The following NUDCD2 variants were observed in gnomAD, a reference collection of about 807,000 sequenced individuals.
NUDCD2 encodes NudC domain containing 2, also known as nudC domain-containing protein 2.
NUDCD2 carries 16 observed loss-of-function variants against 20.8 expected under a neutral mutation model. The observed-to-expected ratio is 0.77, with a 90% CI of 0.52 to 1.17. NUDCD2 has a LOEUF of 1.17. NUDCD2 is among the 50% of genes most tolerant of loss of function. NUDCD2 has a pLI of 0.00. For missense variants in NUDCD2, 199 were observed against 193.9 expected (o/e 1.03, Z -0.16); for synonymous variants, 87 against 72.8 (o/e 1.20, Z -1.00).
At chr5:163,454,806 A>T (rs571529404) in intron 3 of NUDCD2, among the ~76,000 whole-genome samples, 1 of 152,264 alleles carries the variant, frequency 6.6e-6, no homozygotes, top group Admixed American at 6.5e-5. Context: ...TTGAGCTCCT[A>T]CTGTTTGGGA....
chr5:163,455,222 G>T (rs1319688477), intron 3 of NUDCD2, among the ~76,000 whole-genome samples: 1 of 152,100 alleles, frequency 6.6e-6, no homozygotes, highest in African/African-American at 2.4e-5. Flanking sequence ...ATTGAGCAAT[G>T]ATATGAAAAC....
At position 163,451,406 on chromosome 5, in the gene NUDCD2, C is replaced by A. The variant is rs935819136; in HGVS notation, c.*2561G>T. 1 of 151,998 alleles carries A rather than the reference C, an allele frequency of 6.6e-6. No individual in the cohort carries two copies. The highest frequency in any genetic ancestry group is 1.5e-5 in the Non-Finnish European group (1 of 68,010). 9.4% of individuals were successfully genotyped at this position (151,998 alleles called of 1,614,324 possible). ...GGCTGGGAGTAGGGTGTGTAGAGTA[C>A]AAAGAGAGCACGAGAGTTTTTACGG... On this transcript the variant is annotated 3_prime_UTR_variant, in exon 4 of 4. Transcript: ENST00000302764.
At chr5:163,457,124 G>C in intron 2 of NUDCD2, 44 bp from the exon 3 acceptor site, 1 of 1,485,314 alleles carries the variant, frequency 6.7e-7, no homozygotes, top group South Asian at 1.3e-5. Flanking sequence ...ATAAATTAGA[G>C]TTCTTCATCA....
At chr5:163,454,077 GA>G (rs1758242515) in intron 3 of NUDCD2, 27 bp from the exon 4 acceptor site, 1 of 1,230,124 alleles carries the variant, frequency 8.1e-7, no homozygotes, top group Non-Finnish European at 1.1e-6. Context: ...TATATATAAT[GA>G]AATAAAACTT....
At chr5:163,455,832 T>TC (rs113267658) in intron 3 of NUDCD2, among the ~76,000 whole-genome samples, 13,833 of 151,860 alleles carry the variant, frequency 0.091, 883 homozygotes, top group African/African-American at 0.19. Flanking sequence ...ATTAGAGTAA[T>TC]CAGGCAAGAC....
chr5:163,459,022 C>A (rs213505), intron 1 of NUDCD2: 41,280 of 152,048 alleles, frequency 0.27, 5,775 homozygotes, highest in East Asian at 0.5. Flanking sequence ...TCTTCATACA[C>A]GTGAATACCA....
In NUDCD2 at chr5:163,447,518, T is replaced by C. The variant is rs1326389373; in HGVS notation, c.*6449A>G. On this transcript the variant is annotated 3_prime_UTR_variant, in exon 4 of 4. Coordinates refer to ENST00000302764, the MANE Select transcript of NUDCD2 (RefSeq NM_145266.6). ...GGACTGGACAAATCTTCATTTACAG[T>C]TGGAAACTTAAACATTCCTCTCTCA... is the stretch of plus-strand genomic sequence containing the variant. The C allele has an allele frequency of 3.3e-5, 5 of 151,278 alleles. No individual in the cohort carries two copies. The highest frequency in any genetic ancestry group is 7.4e-5 in the Non-Finnish European group (5 of 67,942). The allele number at this position is 151,278 out of a possible 1,614,324, so 9.4% of individuals were successfully genotyped here.
rs1451993285 is a variant in NUDCD2 at position 163,452,347 on chromosome 5, G to A, written c.*1620C>T. 6.6e-6 allele frequency: 1 copy of A among 152,122 alleles called. No individual in the cohort carries two copies. The highest frequency in any genetic ancestry group is 1.5e-5 in the Non-Finnish European group (1 of 68,032). 9.4% of individuals were successfully genotyped at this position (152,122 alleles called of 1,614,324 possible). ...ATGGCTGATTCTTGGGTTAGGTCGA[G>A]GACAGCATGAGAAGCCTGGTATATC... On this transcript the variant is annotated 3_prime_UTR_variant, in exon 4 of 4. Transcript: ENST00000302764.
At position 163,449,229 on chromosome 5, in the gene NUDCD2, C is replaced by T. The variant is rs1306823966; in HGVS notation, c.*4738G>A. 6.6e-6 allele frequency: 1 copy of T among 151,882 alleles called. No individual in the cohort carries two copies. Among genetic ancestry groups the T allele is most frequent in the Admixed American group, 6.6e-5 (1 of 15,244 alleles). 9.4% of individuals were successfully genotyped at this position (151,882 alleles called of 1,614,324 possible). ...AGAATAAAATAAAACTGTTTCTATT[C>T]GTAGTTTATGTAGAAAACTTAATGA... On this transcript the variant is annotated 3_prime_UTR_variant, in exon 4 of 4. Coordinates refer to ENST00000302764, the MANE Select transcript of NUDCD2 (RefSeq NM_145266.6).
chr5:163,447,917 GT>G lies in NUDCD2; in HGVS notation c.*6049del, dbSNP rs1175469692. 1.3e-5 allele frequency: 2 copies of G among 152,024 alleles called. No homozygotes were observed. Among genetic ancestry groups the G allele is most frequent in the Non-Finnish European group, 2.9e-5 (2 of 68,016 alleles). The allele number at this position is 152,024 out of a possible 1,614,324, so 9.4% of individuals were successfully genotyped here. On this transcript the variant is annotated 3_prime_UTR_variant, in exon 4 of 4. Coordinates refer to ENST00000302764, the MANE Select transcript of NUDCD2 (RefSeq NM_145266.6). ...CCGTGCTTGGAATGCAGCCATGCTG[GT>G]GCTGCAATTTATAACAATCGACTGC...
intron 1 of NUDCD2, 46 bp downstream of exon 1, chr5:163,459,816 G>C: frequency 6.6e-7 from 1 of 1,519,738 alleles, no homozygotes; most frequent in South Asian, 1.2e-5. Flanking sequence ...GGGGCTGGGG[G>C]CGTCTGGGAA....
In NUDCD2 at chr5:163,457,625, T is replaced by C; in HGVS notation, c.190-15A>G. ...AAGAGTTTGCCCTGAAAAATAAACA[T>C]ATAAGGTGCTAAAAATACAGAATTT... On this transcript the variant is annotated splice_polypyrimidine_tract_variant and intron_variant, in intron 1 of 3. Transcript: ENST00000302764. 1.3e-6 allele frequency: 2 copies of C among 1,507,206 alleles called. No homozygotes were observed. Among genetic ancestry groups the C allele is most frequent in the South Asian group, 1.2e-5 (1 of 86,130 alleles). The allele number at this position is 1,507,206 out of a possible 1,614,324, so 93.4% of individuals were successfully genotyped here.
intron 1 of NUDCD2, among the ~76,000 whole-genome samples, chr5:163,458,538 C>G (rs1340076692): frequency 6.6e-6 from 1 of 152,076 alleles, no homozygotes; most frequent in Admixed American, 6.5e-5. Context: ...CTGCTGTGAG[C>G]TACAATCTCA....
intron 1 of NUDCD2, among the ~76,000 whole-genome samples, chr5:163,458,006 T>TTTTTTA (rs1758369653): frequency 2.0e-5 from 2 of 102,420 alleles, no homozygotes; most frequent in East Asian, 3.1e-4. Flanking sequence ...TTTTTTTTTT[T>TTTTTTA]GAGACAGAGT....
In NUDCD2 at chr5:163,460,058, T is replaced by C. The variant is rs202086995; in HGVS notation, c.-8A>G. 2,333 of 1,549,888 alleles carry C rather than the reference T, an allele frequency of 1.5e-3. 18 individuals carry two copies. Among genetic ancestry groups the C allele is most frequent in the South Asian group, 0.014 (1,166 of 83,460 alleles). ...CTCAAACGGGGCCGACATAATCCAG[T>C]CCCTCCCGGCCGCGGCCGCACCAGG... On this transcript the variant is annotated 5_prime_UTR_variant, in exon 1 of 4. Coordinates refer to ENST00000302764, the MANE Select transcript of NUDCD2 (RefSeq NM_145266.6).
rs1758241240 is a variant in NUDCD2, at chr5:163,454,005, T to C, written c.436A>G (p.Thr146Ala). 3 of 1,562,498 alleles carry C rather than the reference T, an allele frequency of 1.9e-6. No individual in the cohort carries two copies. The highest frequency in any genetic ancestry group is 1.8e-5 in the Admixed American group (1 of 56,066). The change falls in exon 4 of 4, where the codon ACT becomes GCT. Residue 146 changes from threonine to alanine, a missense_variant. By Grantham distance (58) the Thr-to-Ala change is moderately conservative. Coordinates refer to ENST00000302764, the MANE Select transcript of NUDCD2 (RefSeq NM_145266.6). The stretch of plus-strand genomic sequence containing the variant: ...TTTGAGAAATCTGGTCCACCTTTAG[T>C]GTAGTTTCCTGAGATTTCTGCTCCA... ...FSGAEISGNY[T>A]KGGPDFSNLE...
At chr5:163,459,156 C>T (rs1408560962) in intron 1 of NUDCD2, 1 of 152,182 alleles carries the variant, frequency 6.6e-6, no homozygotes, top group East Asian at 1.9e-4. Context: ...CAAGTAGTCT[C>T]CCTTCACCAT....
rs562519671 is a variant in NUDCD2 at position 163,452,916 on chromosome 5, T to C, written c.*1051A>G. ...ACAGCTGACATCTAAATGAAAGGCA[T>C]GATTCTGACTGGATCCTCTTGCTAT... is the stretch of plus-strand genomic sequence containing the variant. On this transcript the variant is annotated 3_prime_UTR_variant, in exon 4 of 4. Transcript: ENST00000302764. The C allele has an allele frequency of 3.1e-4, 47 of 152,344 alleles. No homozygotes were observed. The highest frequency in any genetic ancestry group is 1.1e-3 in the African/African-American group (47 of 41,588). The allele number at this position is 152,344 out of a possible 1,614,324, so 9.4% of individuals were successfully genotyped here. A position where few individuals can be genotyped will look rare whatever the true frequency, so the allele number is the denominator to read the frequency against.
In NUDCD2 at chr5:163,454,004, G is replaced by A. The variant is rs1164360122; in HGVS notation, c.437C>T (p.Thr146Ile). ...GTTTGAGAAATCTGGTCCACCTTTAGTGTAGTTTCCTGAGATTTCTGCTCC... is the reference window on the plus strand; with the variant it reads ...GTTTGAGAAATCTGGTCCACCTTTAATGTAGTTTCCTGAGATTTCTGCTCC... ...FSGAEISGNY[T>I]KGGPDFSNLE... The change falls in exon 4 of 4, where the codon ACT (threonine) becomes ATT (isoleucine). Residue 146 changes from threonine to isoleucine, a missense_variant. Coordinates refer to ENST00000302764, the MANE Select transcript of NUDCD2 (RefSeq NM_145266.6). 1.9e-6 allele frequency: 3 copies of A among 1,562,254 alleles called. No individual in the cohort carries two copies. The highest frequency in any genetic ancestry group is 1.4e-5 in the African/African-American group (1 of 73,346).
Sources: allele counts gnomAD v4.1 joint callset (sites outside exome capture counted in the v4.1 genomes callset), GRCh38; gene constraint gnomAD v4.1.1; transcripts MANE v1.5; gene names NCBI Gene and HGNC (gene_info 2026-07-23, HGNC 2026-07-21).